Variants in BMAL1 observed in about 807,000 individuals in gnomAD.
BMAL1 encodes basic helix-loop-helix ARNT-like protein 1.
the BMAL1 span, among the ~76,000 whole-genome samples, chr11:13,370,135 T>G: frequency 6.6e-6 from 1 of 152,210 alleles, no homozygotes; most frequent in African/African-American, 2.4e-5. Context: ...ACATTTTTCC[T>G]TTGTCTTCCT....
At chr11:13,381,103 C>A in the BMAL1 span, 2 of 1,564,386 alleles carry the variant, frequency 1.3e-6, no homozygotes, top group African/African-American at 1.4e-5. Flanking sequence ...TACCCCTTAA[C>A]AAAGCACATA....
At chr11:13,376,840 G>A in the BMAL1 span, 10 of 1,010,634 alleles carry the variant, frequency 9.9e-6, no homozygotes, top group East Asian at 1.8e-4. Flanking sequence ...GTGGAACAAG[G>A]GAGGCCTCGA....
At chr11:13,305,255 A>G in the BMAL1 span, among the ~76,000 whole-genome samples, 1 of 152,190 alleles carries the variant, frequency 6.6e-6, no homozygotes, top group South Asian at 2.1e-4. Context: ...ACTGGAGAGC[A>G]AAACAATATA....
the BMAL1 span, among the ~76,000 whole-genome samples, chr11:13,350,885 A>G: frequency 6.6e-6 from 1 of 152,376 alleles, no homozygotes; most frequent in Middle Eastern, 3.4e-3. Context: ...AGTGTTTACA[A>G]CATCAATGAT....
the BMAL1 span, among the ~76,000 whole-genome samples, chr11:13,369,348 G>A: frequency 1.3e-5 from 2 of 152,080 alleles, no homozygotes; most frequent in Non-Finnish European, 2.9e-5. Context: ...GCGTCTATTG[G>A]GCAAGAACCC....
the BMAL1 span, among the ~76,000 whole-genome samples, chr11:13,288,424 CTTTTT>C: frequency 1.3e-3 from 152 of 113,734 alleles, 6 homozygotes; most frequent in Non-Finnish European, 5.4e-4. Flanking sequence ...CTTTTTTTTT[CTTTTT>C]TTTTTTTTTG....
chr11:13,354,444 T>C, the BMAL1 span: 1 of 1,613,926 alleles, frequency 6.2e-7, no homozygotes, highest in South Asian at 1.1e-5. Flanking sequence ...CTCCACTGAC[T>C]ACCAGTAAGG....
chr11:13,287,009 G>C, the BMAL1 span, among the ~76,000 whole-genome samples: 1 of 152,148 alleles, frequency 6.6e-6, no homozygotes, highest in South Asian at 2.1e-4. Flanking sequence ...TTAGAGGATA[G>C]AAGAGGTTTT....
chr11:13,343,367 G>A, the BMAL1 span, among the ~76,000 whole-genome samples: 3 of 152,186 alleles, frequency 2.0e-5, no homozygotes, highest in African/African-American at 7.2e-5. Context: ...AAGTCATTCT[G>A]CAGTCATTAA....
chr11:13,289,542 C>G, the BMAL1 span, among the ~76,000 whole-genome samples: 6 of 152,278 alleles, frequency 3.9e-5, no homozygotes, highest in East Asian at 3.9e-4. Flanking sequence ...AGCCCCCCAG[C>G]CCCTGACAGG....
chr11:13,330,499 G>A, the BMAL1 span, among the ~76,000 whole-genome samples: 1 of 152,218 alleles, frequency 6.6e-6, no homozygotes, highest in Non-Finnish European at 1.5e-5. Context: ...ATCTAATTAT[G>A]GGGTTGCCAG....
At chr11:13,375,812 T>A in the BMAL1 span, 1 of 1,490,570 alleles carries the variant, frequency 6.7e-7, no homozygotes, top group East Asian at 2.4e-5. Context: ...AACAGATGCC[T>A]AGGGTTCCTC....
the BMAL1 span, among the ~76,000 whole-genome samples, chr11:13,382,125 G>T: frequency 2.6e-5 from 4 of 152,182 alleles, no homozygotes; most frequent in African/African-American, 9.7e-5. Flanking sequence ...TGGGATGGGC[G>T]TGGGGATAGT....
chr11:13,376,777 TGTGGTCA>T, the BMAL1 span: 8 of 1,561,838 alleles, frequency 5.1e-6, no homozygotes, highest in Middle Eastern at 5.6e-4. Context: ...GGAAGGTGCT[TGTGGTCA>T]AATATCCTCC....
the BMAL1 span, among the ~76,000 whole-genome samples, chr11:13,330,026 C>T: frequency 6.6e-6 from 1 of 152,210 alleles, no homozygotes; most frequent in Non-Finnish European, 1.5e-5. Flanking sequence ...TAAATGCACA[C>T]ACGACTTAGG....
At chr11:13,348,527 G>A in the BMAL1 span, among the ~76,000 whole-genome samples, 7 of 152,122 alleles carry the variant, frequency 4.6e-5, no homozygotes, top group Non-Finnish European at 1.0e-4. Flanking sequence ...GGGCTGTGGG[G>A]TGTGGGAGGA....
At chr11:13,376,470 G>A in the BMAL1 span, 3 of 708,186 alleles carry the variant, frequency 4.2e-6, no homozygotes, top group Non-Finnish European at 5.1e-6. Flanking sequence ...AGGCCAGGAT[G>A]CTATCCATTA....
At chr11:13,373,973 C>T in the BMAL1 span, 1 of 747,550 alleles carries the variant, frequency 1.3e-6, no homozygotes, top group Non-Finnish European at 2.2e-6. Context: ...ATCCATCCAG[C>T]TCTTTTGCCT....
the BMAL1 span, among the ~76,000 whole-genome samples, chr11:13,320,507 G>T: frequency 5.3e-5 from 8 of 152,186 alleles, no homozygotes; most frequent in African/African-American, 1.7e-4. Flanking sequence ...TTTGGCTGAT[G>T]ACCTCACCTC....
Sources: allele counts gnomAD v4.1 joint callset (sites outside exome capture counted in the v4.1 genomes callset), GRCh38; gene constraint gnomAD v4.1.1; transcripts MANE v1.5; gene names NCBI Gene and HGNC (gene_info 2026-07-23, HGNC 2026-07-21).